Variants in CCNY observed in about 807,000 individuals in gnomAD.
CCNY encodes the protein cyclin Y.
Under a neutral mutation model 42.8 loss-of-function variants are expected in CCNY, and 19 were observed. The observed-to-expected ratio is 0.44, with a 90% confidence interval of 0.31 to 0.65. The LOEUF (loss-of-function observed/expected upper bound fraction) is 0.65, where lower values mean the gene tolerates loss of function less well. Among genes scored for constraint, CCNY ranks in the 30% least tolerant of loss-of-function variants. The probability of loss-of-function intolerance (pLI) is 0.07; values close to 1 mark genes in which losing one functional copy is unlikely to be tolerated. For synonymous variants in CCNY, 165 were observed against 162.7 expected (o/e 1.01, Z -0.11); for missense variants, 370 against 437.3 (o/e 0.85, Z 1.37).
At chr10:35,294,610 C>T (rs1279159694) in intron 3 of CCNY, among the ~76,000 whole-genome samples, 2 of 151,982 alleles carry the variant, frequency 1.3e-5, no homozygotes, top group African/African-American at 4.8e-5. Flanking sequence ...GGGATAAATC[C>T]CACTTGGCCA....
intron 2 of CCNY, among the ~76,000 whole-genome samples, chr10:35,492,992 A>AT (rs1300269030): frequency 6.6e-6 from 1 of 151,586 alleles, no homozygotes; most frequent in Non-Finnish European, 1.5e-5. Flanking sequence ...CTTGAGGTGC[A>AT]TGGGGGGGGG....
intron 1 of CCNY, among the ~76,000 whole-genome samples, chr10:35,455,821 T>TTTC (rs1839018541): frequency 1.5e-5 from 2 of 134,514 alleles, no homozygotes; most frequent in Non-Finnish European, 3.1e-5. Context: ...TTTTTTTTTT[T>TTTC]TTTTAAAAAA....
At chr10:35,488,070 C>T (rs1013920018) in intron 2 of CCNY, among the ~76,000 whole-genome samples, 1 of 152,114 alleles carries the variant, frequency 6.6e-6, no homozygotes, top group African/African-American at 2.4e-5. Flanking sequence ...GATTTATTGT[C>T]TTAACAAAGA....
chr10:35,332,358 T>A (rs891230740), upstream of CCNY: 2 of 152,226 alleles, frequency 1.3e-5, no homozygotes, highest in African/African-American at 4.8e-5. Context: ...CAGGGAGTTG[T>A]GCAAATGACT....
intron 7 of CCNY, among the ~76,000 whole-genome samples, chr10:35,532,634 G>A (rs1840792481): frequency 6.6e-6 from 1 of 152,226 alleles, no homozygotes; most frequent in Non-Finnish European, 1.5e-5. Flanking sequence ...TGAGGTAATT[G>A]ATTTGCACCT....
At chr10:35,526,111 A>G in intron 5 of CCNY, 112 bp downstream of exon 5, 1 of 917,670 alleles carries the variant, frequency 1.1e-6, no homozygotes, top group Non-Finnish European at 1.6e-6. Context: ...CTTAACTCAT[A>G]TTTTCATAGA....
intron 1 of CCNY, among the ~76,000 whole-genome samples, chr10:35,404,838 G>A (rs564630514): frequency 6.6e-6 from 1 of 152,258 alleles, no homozygotes; most frequent in African/African-American, 2.4e-5. Flanking sequence ...ATTTGGGCTT[G>A]ACTGAAGTAG....
chr10:35,423,835 C>G (rs2135267534), intron 1 of CCNY, among the ~76,000 whole-genome samples: 1 of 152,306 alleles, frequency 6.6e-6, no homozygotes, highest in African/African-American at 2.4e-5. Flanking sequence ...TATAAGCTTA[C>G]AATTATCCGA....
chr10:35,535,612 A>T (rs1840870814), intron 7 of CCNY, among the ~76,000 whole-genome samples: 1 of 152,152 alleles, frequency 6.6e-6, no homozygotes, highest in Non-Finnish European at 1.5e-5. Context: ...GCACCTGAAG[A>T]TTCAGCCAAC....
At chr10:35,428,943 A>T (rs960630501) in intron 1 of CCNY, among the ~76,000 whole-genome samples, 6 of 152,216 alleles carry the variant, frequency 3.9e-5, no homozygotes, top group Non-Finnish European at 5.9e-5. Flanking sequence ...AGGCACAAGT[A>T]TTCTTTTTTA....
In CCNY at chr10:35,448,276, A is replaced by G. The variant is rs1213665930; in HGVS notation, c.155-35128A>G. ...GCCCCAGGGCAGTCACGAACAAAGC[A>G]GACCGGAGAGAAAACAAAGCAGGAA... On this transcript the variant is annotated intron_variant, in intron 1 of 9. Transcript: ENST00000374704. Among the ~76,000 whole-genome samples the G allele has an allele frequency of 3.3e-5, 5 of 152,192 alleles. No individual in the cohort carries two copies. In the South Asian group the frequency reaches 1.0e-3, roughly 32 times the overall value.
At chr10:35,558,794 A>G (rs1224243456) in intron 8 of CCNY, among the ~76,000 whole-genome samples, 1 of 152,344 alleles carries the variant, frequency 6.6e-6, no homozygotes, top group South Asian at 2.1e-4. Context: ...ATCTTGGACT[A>G]GTAGCCTCTA....
intron 3 of CCNY, among the ~76,000 whole-genome samples, chr10:35,287,752 T>C (rs1835370695): frequency 6.6e-6 from 1 of 152,188 alleles, no homozygotes; most frequent in African/African-American, 2.4e-5. Context: ...TGATGAACTT[T>C]TGGTTTGTCT....
chr10:35,382,086 G>A (rs1398576242), intron 1 of CCNY, among the ~76,000 whole-genome samples: 1 of 152,184 alleles, frequency 6.6e-6, no homozygotes, highest in Non-Finnish European at 1.5e-5. Context: ...CTTCCTGGGT[G>A]TCTAATGTGT....
chr10:35,375,666 G>A (rs1837036510), intron 1 of CCNY, among the ~76,000 whole-genome samples: 1 of 152,202 alleles, frequency 6.6e-6, no homozygotes. Context: ...CTTAGTTTTT[G>A]CTGCCTCACA....
intron 1 of CCNY, among the ~76,000 whole-genome samples, chr10:35,366,169 T>A (rs1242055199): frequency 6.6e-6 from 1 of 152,266 alleles, no homozygotes; most frequent in African/African-American, 2.4e-5. Context: ...ATGAGGTGAT[T>A]GGCTTTCTAA....
At chr10:35,424,711 C>G (rs543570125) in intron 1 of CCNY, among the ~76,000 whole-genome samples, 2 of 152,196 alleles carry the variant, frequency 1.3e-5, no homozygotes, top group Non-Finnish European at 2.9e-5. Flanking sequence ...CCTAGTCTTG[C>G]AACTCCTAAG....
chr10:35,400,935 T>G (rs911397880), intron 1 of CCNY, among the ~76,000 whole-genome samples: 1 of 152,210 alleles, frequency 6.6e-6, no homozygotes, highest in African/African-American at 2.4e-5. Context: ...TGCGCACTTT[T>G]TTTTTGAGAG....
chr10:35,420,201 G>T lies in CCNY; in HGVS notation c.155-63203G>T, dbSNP rs117913087. ...TTCCTAAAGAAATCTGGATCATGGTGCATCCTTTGTTTGTGTGTGGGAGGA... is the reference window on the plus strand; with the variant it reads ...TTCCTAAAGAAATCTGGATCATGGTTCATCCTTTGTTTGTGTGTGGGAGGA... On this transcript the variant is annotated intron_variant, in intron 1 of 9. Transcript: ENST00000374704. 2.9e-3 allele frequency among the ~76,000 whole-genome samples: 442 copies of T among 152,262 alleles called. 3 individuals are homozygous for T. The highest frequency in any genetic ancestry group is 6.8e-3 in the Middle Eastern group (2 of 294).
Sources: gnomAD v4.1 joint callset for allele counts (sites outside exome capture counted in the v4.1 genomes callset) on GRCh38, gnomAD v4.1.1 for gene constraint, MANE v1.5 for transcripts, NCBI Gene and HGNC (gene_info 2026-07-23, HGNC 2026-07-21) for gene names.